Variants in TNIP2 observed in about 807,000 individuals in gnomAD.
The protein encoded by TNIP2 is TNFAIP3 interacting protein 2.
Under a neutral mutation model 43.7 loss-of-function variants are expected in TNIP2, and 30 were observed. The ratio of observed to expected loss-of-function variants is 0.69; its 90% confidence interval spans 0.51 to 0.93. TNIP2 has a LOEUF of 0.93. Ranked by LOEUF, TNIP2 falls within the 40% of genes least tolerant of loss-of-function variation. The pLI is 0.00. For synonymous variants in TNIP2, 260 were observed against 254.6 expected, an observed-to-expected ratio of 1.02 and a Z score of -0.20; for missense variants, 599 against 591.0, an observed-to-expected ratio of 1.01 and a Z score of -0.14.
intron 1 of TNIP2, among the ~76,000 whole-genome samples, chr4:2,750,402 T>TTAC (rs1468554977): frequency 2.4e-5 from 1 of 42,194 alleles, no homozygotes; most frequent in Non-Finnish European, 5.3e-5. Context: ...ACCCTGATTA[T>TTAC]TATTATTATT....
At position 2,742,398 on chromosome 4, in the gene TNIP2, C is replaced by T. The variant is rs759338524; in HGVS notation, c.1149G>A (p.Gln383=). Residue 383 remains glutamine, a synonymous_variant, in exon 6 of 6, where the codon CAG becomes CAA. Transcript: ENST00000315423. ...GGWRPGTGSQ[Q]PEPPAEGGHP... ...GCCCGCCCTCTGCAGGGGGTTCTGGCTGCTGGGACCCAGTCCCAGGCCTCC... is the reference window on the plus strand; with the variant it reads ...GCCCGCCCTCTGCAGGGGGTTCTGGTTGCTGGGACCCAGTCCCAGGCCTCC... 1.2e-6 allele frequency: 2 copies of T among 1,611,278 alleles called. No individual in the cohort carries two copies. Among genetic ancestry groups the T allele is most frequent in the Non-Finnish European group, 1.7e-6 (2 of 1,178,564 alleles).
intron 2 of TNIP2, 145 bp downstream of exon 2, chr4:2,747,510 T>C: frequency 2.5e-6 from 2 of 809,276 alleles, no homozygotes; most frequent in Non-Finnish European, 4.0e-6. Context: ...CTTGGATGAG[T>C]GAGCTTTGCC....
In TNIP2 at chr4:2,744,559, C is replaced by G; in HGVS notation, c.907-53G>C. On this transcript the variant is annotated intron_variant, in intron 4 of 5. Coordinates refer to ENST00000315423, the MANE Select transcript of TNIP2 (RefSeq NM_024309.4). This position sits in a 1 kb window ranked among gnomAD's most constrained non-coding sequence, Gnocchi z 5.1. ...GCTCAAGGAAGGAGGAAGCGCCCCA[C>G]CAGGCTTCTCCCACCCCCACAGTGA... 6.2e-7 allele frequency: 1 copy of G among 1,609,952 alleles called. No homozygotes were observed. Among genetic ancestry groups the G allele is most frequent in the South Asian group, 1.1e-5 (1 of 90,958 alleles).
intron 1 of TNIP2, among the ~76,000 whole-genome samples, chr4:2,754,349 G>C (rs1337341574): frequency 6.6e-6 from 1 of 152,266 alleles, no homozygotes; most frequent in Admixed American, 6.5e-5. Flanking sequence ...TGGTGTTATA[G>C]TTTATCATCA....
chr4:2,743,805 A>G (rs1023343047), intron 5 of TNIP2, among the ~76,000 whole-genome samples: 3 of 152,230 alleles, frequency 2.0e-5, no homozygotes, highest in Non-Finnish European at 4.4e-5. Context: ...GGATTTTTGC[A>G]GAGCACAAGT....
intron 1 of TNIP2, among the ~76,000 whole-genome samples, chr4:2,750,255 C>T (rs1022384650): frequency 2.0e-5 from 3 of 152,200 alleles, no homozygotes; most frequent in Non-Finnish European, 4.4e-5. Context: ...CACGGAGGAG[C>T]CCAAGCTTCC....
chr4:2,742,676 G>A (rs959745012), intron 5 of TNIP2, among the ~76,000 whole-genome samples, 156 bp from the exon 6 acceptor site: 2 of 152,160 alleles, frequency 1.3e-5, no homozygotes, highest in African/African-American at 4.8e-5. Context: ...AGACAAGGGG[G>A]CGCTCAGTGA....
At position 2,742,187 on chromosome 4, in the gene TNIP2, G is replaced by A. The variant is rs1721806594; in HGVS notation, c.*70C>T. On this transcript the variant is annotated 3_prime_UTR_variant, in exon 6 of 6. Transcript: ENST00000315423. ...GTAGAGCTCAACCCATGGCATCTGA[G>A]AGCACCCACCCTGTCCCTGAGGGCA... 2.9e-6 allele frequency: 4 copies of A among 1,361,058 alleles called. No individual in the cohort carries two copies. The highest frequency in any genetic ancestry group is 1.8e-5 in the South Asian group (1 of 54,248). The allele number at this position is 1,361,058 out of a possible 1,614,324, so 84.3% of individuals were successfully genotyped here. A position where few individuals can be genotyped will look rare whatever the true frequency, so the allele number is the denominator to read the frequency against.
At position 2,756,047 on chromosome 4, in the gene TNIP2, C is replaced by A; in HGVS notation, c.243G>T (p.Gln81His). 1 of 1,548,828 alleles carries A rather than the reference C, an allele frequency of 6.5e-7. No homozygotes were observed. Among genetic ancestry groups the A allele is most frequent in the East Asian group, 2.6e-5 (1 of 38,014 alleles). The change falls in exon 1 of 6, where the codon CAG becomes CAT. Residue 81 changes from glutamine to histidine, a missense_variant. Coordinates refer to ENST00000315423, the MANE Select transcript of TNIP2 (RefSeq NM_024309.4). ...TCTGGGCCTCGGCGGCGCCGCCCTC[C>A]TGCCTTCGCAGCTGCTCCCGGAAGC... The part of the protein sequence containing the change: ...VARFREQLRR[Q>H]EGGAAEAQMR...
chr4:2,746,205 T>G (rs904574013), intron 2 of TNIP2: 6 of 152,500 alleles, frequency 3.9e-5, no homozygotes, highest in African/African-American at 1.4e-4. Context: ...GAAACTCGTG[T>G]GTACCCTACA....
chr4:2,747,590 G>GAGCATC, intron 2 of TNIP2, 65 bp downstream of exon 2: 1 of 1,522,324 alleles, frequency 6.6e-7, no homozygotes, highest in Non-Finnish European at 8.9e-7. Flanking sequence ...TGTGATCAGG[G>GAGCATC]GCCTGTAGGC....
At chr4:2,745,575 T>C (rs756255117) in intron 2 of TNIP2, 40 bp from the exon 3 acceptor site, 13 of 1,461,616 alleles carry the variant, frequency 8.9e-6, no homozygotes, top group Middle Eastern at 1.7e-4. Context: ...CTCTGTCACA[T>C]ACAGCAAGAG....
Position 2,744,482 on chromosome 4 carries a change from T to C in TNIP2, c.931A>G (p.Met311Val), listed in dbSNP as rs1166620224. Residue 311 changes from methionine to valine, a missense_variant, in exon 5 of 6, where the codon ATG becomes GTG. By Grantham distance (21) the Met-to-Val change is conservative. Transcript: ENST00000315423. This position sits in a 1 kb window ranked among gnomAD's most constrained non-coding sequence, Gnocchi z 5.1. Reference protein sequence around the residue: ...QQILAYKDDFMSERADRERAQ... With the variant: ...QQILAYKDDFVSERADRERAQ... ...CGTTCCCGATCGGCCCTTTCTGACATGAAGTCATCCTTGTAAGCGAGAATC... is the reference window on the plus strand; with the variant it reads ...CGTTCCCGATCGGCCCTTTCTGACACGAAGTCATCCTTGTAAGCGAGAATC... 8 of 1,614,032 alleles carry C rather than the reference T, an allele frequency of 5.0e-6. No homozygotes were observed. Among genetic ancestry groups the C allele is most frequent in the South Asian group, 3.3e-5 (3 of 91,084 alleles).
rs1228360081 is a variant in TNIP2, at chr4:2,744,887, C to G, written c.716G>C (p.Arg239Thr). ...CCCCCTGAGCTGCGCATGGAGCCCC[C>G]TCACGTATTCGTCCCTGCTGGCGTT... ...RYNASRDEYV[R>T]GLHAQLRGLQ... Residue 239 changes from arginine (R) to threonine (T), a missense_variant, in exon 4 of 6, where the codon AGG becomes ACG. Transcript: ENST00000315423. This position sits in a 1 kb window ranked among gnomAD's most constrained non-coding sequence, Gnocchi z 5.1. 1.1e-5 allele frequency: 18 copies of G among 1,613,566 alleles called. No individual in the cohort carries two copies. The highest frequency in any genetic ancestry group is 1.4e-5 in the Non-Finnish European group (17 of 1,179,776).
chr4:2,742,711 C>T (rs936909035), intron 5 of TNIP2, among the ~76,000 whole-genome samples, 191 bp from the exon 6 acceptor site: 2 of 152,184 alleles, frequency 1.3e-5, no homozygotes, highest in African/African-American at 4.8e-5. Context: ...CACACACGCT[C>T]CGTCATGTGC....
chr4:2,742,731 A>G (rs181766604), intron 5 of TNIP2, among the ~76,000 whole-genome samples: 2 of 152,322 alleles, frequency 1.3e-5, no homozygotes, highest in Admixed American at 1.3e-4. Flanking sequence ...CTCATGAAGA[A>G]GTAGGCCCTG....
chr4:2,743,679 G>A (rs1250815453), intron 5 of TNIP2, among the ~76,000 whole-genome samples: 1 of 152,218 alleles, frequency 6.6e-6, no homozygotes, highest in Non-Finnish European at 1.5e-5. Flanking sequence ...ATTCTCAAGA[G>A]GCATCACTAC....
intron 1 of TNIP2, among the ~76,000 whole-genome samples, chr4:2,750,434 TTATTA>T (rs1722072466): frequency 8.4e-6 from 1 of 118,540 alleles, no homozygotes; most frequent in South Asian, 2.9e-4. Flanking sequence ...TATTATTATT[TTATTA>T]TTTTAGAGAC....
At chr4:2,752,079 T>TG (rs1722116571) in intron 1 of TNIP2, among the ~76,000 whole-genome samples, 1 of 137,514 alleles carries the variant, frequency 7.3e-6, no homozygotes. Flanking sequence ...CACTCCAGCC[T>TG]GGCGACAGAG....
Sources: allele counts gnomAD v4.1 joint callset (sites outside exome capture counted in the v4.1 genomes callset), GRCh38; gene constraint gnomAD v4.1.1; non-coding constraint Gnocchi (gnomAD v3.1); transcripts MANE v1.5; gene names NCBI Gene and HGNC (gene_info 2026-07-23, HGNC 2026-07-21).